Variants in CDK5RAP2 observed in about 807,000 individuals in gnomAD.
The protein encoded by CDK5RAP2 is CDK5 regulatory subunit associated protein 2, also known as CDK5 regulatory subunit-associated protein 2.
In CDK5RAP2, 147 loss-of-function variants were observed where a neutral mutation model predicts 232.9. The ratio of observed to expected loss-of-function variants is 0.63; its 90% CI spans 0.55 to 0.72. CDK5RAP2 has a LOEUF of 0.72. Ranked by LOEUF, CDK5RAP2 falls within the 30% of genes least tolerant of loss-of-function variation. The pLI, the probability that CDK5RAP2 is intolerant of heterozygous loss-of-function variation, is 0.00. For synonymous variants in CDK5RAP2, 833 were observed against 833.7 expected (o/e 1.00, Z 0.01); for missense variants, 2,195 against 2,231.5 (o/e 0.98, Z 0.33).
chr9:120,423,597 C>T (rs189054019), intron 25 of CDK5RAP2, among the ~76,000 whole-genome samples: 63 of 152,280 alleles, frequency 4.1e-4, no homozygotes, highest in African/African-American at 1.5e-3. Context: ...AGCACATGAG[C>T]CTAGATTTCA....
At chr9:120,462,843 C>A (rs60979417) in intron 18 of CDK5RAP2, among the ~76,000 whole-genome samples, 3,954 of 152,194 alleles carry the variant, frequency 0.026, 182 homozygotes, top group African/African-American at 0.088. Flanking sequence ...CTTACAATTT[C>A]TATAGTTCAT....
intron 11 of CDK5RAP2, among the ~76,000 whole-genome samples, chr9:120,521,699 G>A (rs2099309438): frequency 7.0e-6 from 1 of 143,272 alleles, no homozygotes; most frequent in Admixed American, 7.2e-5. Flanking sequence ...AGGCTGGAGT[G>A]CAGTGGCGCG....
chr9:120,510,381 T>G (rs2040021946), intron 12 of CDK5RAP2, among the ~76,000 whole-genome samples: 1 of 152,132 alleles, frequency 6.6e-6, no homozygotes, highest in Admixed American at 6.5e-5. Context: ...GAAAGCATTC[T>G]GAAATAGTCT....
chr9:120,519,012 T>C (rs1452953522), intron 11 of CDK5RAP2, among the ~76,000 whole-genome samples: 1 of 151,766 alleles, frequency 6.6e-6, no homozygotes, highest in Non-Finnish European at 1.5e-5. Context: ...CCGTCTCTAC[T>C]AAAAATACAA....
intron 3 of CDK5RAP2, among the ~76,000 whole-genome samples, chr9:120,557,952 G>T (rs1394203673): frequency 6.7e-6 from 1 of 149,574 alleles, no homozygotes; most frequent in Non-Finnish European, 1.5e-5. Context: ...TTTTAATAGA[G>T]ACGAGTTTTC....
intron 24 of CDK5RAP2, 119 bp from the exon 25 acceptor site, chr9:120,437,646 TA>T: frequency 1.4e-6 from 1 of 732,860 alleles, no homozygotes; most frequent in Middle Eastern, 2.5e-4. Flanking sequence ...TGTACAAGTA[TA>T]TATACTTTTA....
At chr9:120,510,408 G>T (rs746707789) in intron 12 of CDK5RAP2, among the ~76,000 whole-genome samples, 4 of 152,086 alleles carry the variant, frequency 2.6e-5, no homozygotes, top group Non-Finnish European at 4.4e-5. Context: ...TATGGCCAAG[G>T]CAATGTCTAA....
At chr9:120,441,376 G>T (rs1273738387) in intron 23 of CDK5RAP2, among the ~76,000 whole-genome samples, 1 of 152,090 alleles carries the variant, frequency 6.6e-6, no homozygotes, top group African/African-American at 2.4e-5. Context: ...CTGAAAAGTT[G>T]TGTGTGTGTG....
intron 13 of CDK5RAP2, among the ~76,000 whole-genome samples, chr9:120,488,049 C>T (rs962283466): frequency 1.2e-4 from 19 of 152,106 alleles, no homozygotes; most frequent in African/African-American, 4.3e-4. Context: ...TTCAGAAGAT[C>T]GAACATTCAA....
chr9:120,504,015 A>G (rs1247413988), intron 12 of CDK5RAP2, among the ~76,000 whole-genome samples: 3 of 152,174 alleles, frequency 2.0e-5, no homozygotes, highest in Non-Finnish European at 2.9e-5. Context: ...GAGTGTCCAA[A>G]TCCTACCCTG....
At chr9:120,496,627 C>T (rs2039267807) in intron 12 of CDK5RAP2, among the ~76,000 whole-genome samples, 4 of 148,976 alleles carry the variant, frequency 2.7e-5, no homozygotes, top group East Asian at 2.0e-4. Flanking sequence ...TGCCCGGCCG[C>T]CCCTACTGGG....
intron 1 of CDK5RAP2, 32 bp downstream of exon 1, chr9:120,579,888 G>C (rs1460597835): frequency 6.3e-7 from 1 of 1,588,606 alleles, no homozygotes; most frequent in South Asian, 1.1e-5. Flanking sequence ...ACCCCGGCCC[G>C]GTTACCACGA....
chr9:120,389,371 C>A, intron 37 of CDK5RAP2, 79 bp from the exon 38 acceptor site: 1 of 1,126,006 alleles, frequency 8.9e-7, no homozygotes, highest in Non-Finnish European at 1.3e-6. Context: ...GAGGTGAAAG[C>A]GAGACTGTTA....
chr9:120,467,672 G>T (rs1373192655), intron 18 of CDK5RAP2, among the ~76,000 whole-genome samples, 188 bp downstream of exon 18: 1 of 151,932 alleles, frequency 6.6e-6, no homozygotes, highest in African/African-American at 2.4e-5. Flanking sequence ...TTGAGACAGG[G>T]TCTCGCTCTA....
In CDK5RAP2 at chr9:120,407,305, T is replaced by A. The variant is rs1408258072; in HGVS notation, c.4727-57A>T. 4 of 1,319,986 alleles carry A rather than the reference T, an allele frequency of 3.0e-6. No individual in the cohort carries two copies. In the African/African-American group the frequency reaches 5.8e-5, roughly 19 times the overall value. The allele number at this position is 1,319,986 out of a possible 1,614,324, so 81.8% of individuals were successfully genotyped here. ...TCTTCCACAACCAAAGGGTCAGCCA[T>A]CGAAGGAACTCAATCGCATTTTACA... is the stretch of plus-strand genomic sequence containing the variant. On this transcript the variant is annotated intron_variant, in intron 31 of 37. Coordinates refer to ENST00000349780, the MANE Select transcript of CDK5RAP2 (RefSeq NM_018249.6).
chr9:120,400,751 G>A lies in CDK5RAP2; in HGVS notation c.5442C>T (p.His1814=). ...SLPEDGQCPL[H]CEQIGEMKAE... The stretch of plus-strand genomic sequence containing the variant: ...ATGTGTCACCACCTACCTGCTCACA[G>A]TGAAGGGGGCACTGGCCATCCTCGG... Residue 1814 remains histidine (H), a synonymous_variant, in exon 35 of 38, where the codon CAC becomes CAT. Coordinates refer to ENST00000349780, the MANE Select transcript of CDK5RAP2 (RefSeq NM_018249.6). The A allele has an allele frequency of 6.2e-7, 1 of 1,613,742 alleles. No homozygotes were observed. The highest frequency in any genetic ancestry group is 8.5e-7 in the Non-Finnish European group (1 of 1,180,032).
intron 4 of CDK5RAP2, among the ~76,000 whole-genome samples, 176 bp downstream of exon 4, chr9:120,550,616 C>T (rs1349050258): frequency 6.6e-6 from 1 of 152,182 alleles, no homozygotes; most frequent in Non-Finnish European, 1.5e-5. Context: ...TAATCATGTA[C>T]CCCTTTGCTT....
At chr9:120,420,432 A>C (rs1214558456) in intron 26 of CDK5RAP2, among the ~76,000 whole-genome samples, 1 of 152,156 alleles carries the variant, frequency 6.6e-6, no homozygotes, top group Non-Finnish European at 1.5e-5. Flanking sequence ...CCTGGCTCCA[A>C]GGCCCCAGGA....
chr9:120,407,346 G>T, intron 31 of CDK5RAP2, 98 bp from the exon 32 acceptor site: 1 of 874,278 alleles, frequency 1.1e-6, no homozygotes, highest in Non-Finnish European at 1.9e-6. Context: ...CACCACCATC[G>T]CCCTCCCCCT....
Sources: allele counts gnomAD v4.1 joint callset (sites outside exome capture counted in the v4.1 genomes callset), GRCh38; gene constraint gnomAD v4.1.1; transcripts MANE v1.5; gene names NCBI Gene and HGNC (gene_info 2026-07-23, HGNC 2026-07-21).